The following TENM4 variants were observed in gnomAD, a reference collection of about 807,000 sequenced individuals.
The protein encoded by TENM4 is teneurin-4.
Under a neutral mutation model 243.3 loss-of-function variants are expected in TENM4, and 82 were observed. The observed-to-expected ratio is 0.34, with a 90% CI of 0.28 to 0.40. The LOEUF (loss-of-function observed/expected upper bound fraction) is 0.40. TENM4 is among the 10% of genes least tolerant of loss of function. TENM4 has a pLI of 1.00. For synonymous variants in TENM4, 1,412 were observed against 1,456.3 expected, an observed-to-expected ratio of 0.97 and a Z score of 0.69; for missense variants, 3,138 against 3,673.3, an observed-to-expected ratio of 0.85 and a Z score of 3.77.
chr11:79,007,447 G>C (rs1041478040), intron 6 of TENM4, among the ~76,000 whole-genome samples: 3 of 152,066 alleles, frequency 2.0e-5, no homozygotes, highest in Non-Finnish European at 2.9e-5. Flanking sequence ...TAGAACACAG[G>C]CCTCTTGGAG....
chr11:79,348,040 A>G (rs1857357294), intron 1 of TENM4, among the ~76,000 whole-genome samples: 1 of 151,892 alleles, frequency 6.6e-6, no homozygotes, highest in Non-Finnish European at 1.5e-5. Context: ...CGGCCTCCCA[A>G]AGTGCTGGGA....
At chr11:79,296,734 T>C (rs574684194) in intron 2 of TENM4, among the ~76,000 whole-genome samples, 7 of 152,366 alleles carry the variant, frequency 4.6e-5, no homozygotes, top group Non-Finnish European at 7.4e-5. Context: ...TGGCCCACTC[T>C]TTCAGCCATC....
chr11:78,926,798 TA>T (rs1392451131), intron 6 of TENM4, among the ~76,000 whole-genome samples: 1 of 151,908 alleles, frequency 6.6e-6, no homozygotes, highest in Non-Finnish European at 1.5e-5. Flanking sequence ...CAGATCAAGA[TA>T]ACTTGTTTTC....
At chr11:79,002,664 C>G (rs984494154) in intron 6 of TENM4, among the ~76,000 whole-genome samples, 1 of 152,190 alleles carries the variant, frequency 6.6e-6, no homozygotes, top group African/African-American at 2.4e-5. Flanking sequence ...AGGATAGCAA[C>G]TTGAAAGACT....
intron 3 of TENM4, among the ~76,000 whole-genome samples, chr11:79,151,344 C>G (rs537418944): frequency 6.6e-6 from 1 of 152,294 alleles, no homozygotes; most frequent in African/African-American, 2.4e-5. Flanking sequence ...ATCCATCTCT[C>G]CACCCAAGAA....
intron 1 of TENM4, among the ~76,000 whole-genome samples, chr11:79,321,397 C>T (rs1046914936): frequency 1.3e-5 from 2 of 152,120 alleles, no homozygotes; most frequent in African/African-American, 4.8e-5. Context: ...AGCATGATCT[C>T]ATTTATGAAT....
At chr11:78,957,749 T>C (rs1339365464) in intron 6 of TENM4, among the ~76,000 whole-genome samples, 2 of 152,184 alleles carry the variant, frequency 1.3e-5, no homozygotes, top group Admixed American at 1.3e-4. Flanking sequence ...CATCCAAAGT[T>C]TGGCTCTGAG....
At chr11:78,715,607 G>C (rs1249903966) in intron 25 of TENM4, among the ~76,000 whole-genome samples, 1 of 152,138 alleles carries the variant, frequency 6.6e-6, no homozygotes, top group Non-Finnish European at 1.5e-5. Flanking sequence ...GAGGTCTGCT[G>C]GTAAGTTAAG....
intron 6 of TENM4, among the ~76,000 whole-genome samples, chr11:78,922,072 T>C (rs905890842): frequency 6.6e-6 from 1 of 152,230 alleles, no homozygotes; most frequent in African/African-American, 2.4e-5. Flanking sequence ...ACTGATGTTT[T>C]CTTGCAAAAT....
At chr11:79,036,737 C>T (rs988887479) in intron 6 of TENM4, among the ~76,000 whole-genome samples, 13 of 152,098 alleles carry the variant, frequency 8.5e-5, no homozygotes, top group Middle Eastern at 3.2e-3. Flanking sequence ...CTCGGCCAGG[C>T]GCAGTGGCTC....
intron 28 of TENM4, among the ~76,000 whole-genome samples, chr11:78,698,789 C>G (rs1418890736): frequency 6.6e-6 from 1 of 152,212 alleles, no homozygotes; most frequent in South Asian, 2.1e-4. Context: ...GGCCAGCTAG[C>G]CTGTCCCTGA....
At position 79,037,981 on chromosome 11, in the gene TENM4, G is replaced by A. The variant is rs111619615; in HGVS notation, c.493+26757C>T. On this transcript the variant is annotated intron_variant, in intron 6 of 33. Coordinates refer to ENST00000278550, the MANE Select transcript of TENM4 (RefSeq NM_001098816.3). ...GCTTGACAGTCAGCCTCTGCTCTAAGATGCCTTCTTTTTATGAAACATCTC... is the reference window on the plus strand; with the variant it reads ...GCTTGACAGTCAGCCTCTGCTCTAAAATGCCTTCTTTTTATGAAACATCTC... Among the ~76,000 whole-genome samples, 492 of 152,280 alleles carry A rather than the reference G, an allele frequency of 3.2e-3. 1 individual carries two copies. The highest frequency in any genetic ancestry group is 0.012 in the African/African-American group (478 of 41,564).
intron 1 of TENM4, among the ~76,000 whole-genome samples, chr11:79,350,428 C>CA (rs1411417120): frequency 7.4e-6 from 1 of 134,500 alleles, no homozygotes; most frequent in Non-Finnish European, 1.6e-5. Flanking sequence ...CCTTTCTTGG[C>CA]TTTTTTTTTT....
chr11:78,820,266 A>G (rs1204264276), intron 12 of TENM4, among the ~76,000 whole-genome samples: 2 of 152,238 alleles, frequency 1.3e-5, no homozygotes, highest in African/African-American at 4.8e-5. Context: ...TTATGTCACC[A>G]TTTTACAGTC....
chr11:79,247,918 T>G (rs1445993184), intron 2 of TENM4, among the ~76,000 whole-genome samples: 1 of 152,196 alleles, frequency 6.6e-6, no homozygotes, highest in Non-Finnish European at 1.5e-5. Context: ...GAAACTGAGG[T>G]AAAGGGCAAT....
rs569082783 is a variant in TENM4 at position 79,132,345 on chromosome 11, C to CAAAAAAAAAAAA, written c.-66+16353_-66+16364dup. Reference sequence around the variant, plus strand: ...TGGGAGAAAGAGCAAGACTCCAACTCAAAAAAAAAAAAAAAAAGAGAAATG... The same window carrying CAAAAAAAAAAAA: ...TGGGAGAAAGAGCAAGACTCCAACTCAAAAAAAAAAAAAAAAAAAAAAAAAAAAAGAGAAATG... On this transcript the variant is annotated intron_variant, in intron 4 of 33. Coordinates refer to ENST00000278550, the MANE Select transcript of TENM4 (RefSeq NM_001098816.3). 5.6e-4 allele frequency among the ~76,000 whole-genome samples: 28 copies of CAAAAAAAAAAAA among 49,938 alleles called. 2 individuals are homozygous for CAAAAAAAAAAAA. The highest frequency in any genetic ancestry group is 1.0e-3 in the African/African-American group (15 of 14,544). 32.8% of individuals were successfully genotyped at this position (49,938 alleles called of 152,430 possible). A position where few individuals can be genotyped will look rare whatever the true frequency, so the allele number is the denominator to read the frequency against.
chr11:79,441,015 C>T lies in TENM4; in HGVS notation c.-827G>A, dbSNP rs74828869. ...ACACACACACACACGCACACGCACA[C>T]GCAGGTTACATGAATGGGAGGCGGT... is the stretch of plus-strand genomic sequence containing the variant. On this transcript the variant is annotated 5_prime_UTR_variant, in exon 1 of 34. The change creates a new upstream start codon in the 5' untranslated region. Coordinates refer to ENST00000278550, the MANE Select transcript of TENM4 (RefSeq NM_001098816.3). The T allele has an allele frequency of 4.2e-3, 641 of 153,488 alleles. 2 individuals are homozygous for T. The highest frequency in any genetic ancestry group is 5.6e-3 in the Non-Finnish European group (389 of 69,268). The allele number at this position is 153,488 out of a possible 1,614,324, so 9.5% of individuals were successfully genotyped here.
intron 1 of TENM4, among the ~76,000 whole-genome samples, chr11:79,437,249 GCA>G (rs142847009): frequency 3.3e-5 from 5 of 150,758 alleles, no homozygotes; most frequent in Admixed American, 6.6e-5. Flanking sequence ...CCCAACACAT[GCA>G]CACACACACA....
At chr11:78,740,497 A>C (rs1038087731) in intron 19 of TENM4, among the ~76,000 whole-genome samples, 3 of 152,218 alleles carry the variant, frequency 2.0e-5, no homozygotes, top group Admixed American at 2.0e-4. Flanking sequence ...AAGACTTTCA[A>C]TTCTGCTCTG....
Sources: gnomAD v4.1 joint callset for allele counts (sites outside exome capture counted in the v4.1 genomes callset) on GRCh38, gnomAD v4.1.1 for gene constraint, MANE v1.5 for transcripts, NCBI Gene and HGNC (gene_info 2026-07-23, HGNC 2026-07-21) for gene names.